Variants in MAF observed in about 807,000 individuals in gnomAD.
MAF encodes MAF bZIP transcription factor, also known as transcription factor Maf.
Under a neutral mutation model 22.0 loss-of-function variants are expected in MAF, and 10 were observed. That is an observed-to-expected ratio of 0.45 (90% CI 0.28 to 0.77). The LOEUF is 0.77. Ranked by LOEUF, MAF falls within the 30% of genes least tolerant of loss-of-function variation. The probability of loss-of-function intolerance (pLI) is 0.12; values close to 1 mark genes in which losing one functional copy is unlikely to be tolerated. For missense variants in MAF, 544 were observed against 548.4 expected (o/e 0.99, Z 0.08); for synonymous variants, 337 against 255.8 (o/e 1.32, Z -3.03).
At chr16:79,455,370 A>G in the MAF span, among the ~76,000 whole-genome samples, 4 of 152,202 alleles carry the variant, frequency 2.6e-5, no homozygotes, top group Admixed American at 2.6e-4. Context: ...GCCATGAATT[A>G]TTAGGTGCTC....
chr16:79,552,778 C>T, the MAF span, among the ~76,000 whole-genome samples: 1 of 152,140 alleles, frequency 6.6e-6, no homozygotes, highest in Non-Finnish European at 1.5e-5. Flanking sequence ...GCATTTTTTT[C>T]TCCTTGTGGT....
the MAF span, among the ~76,000 whole-genome samples, chr16:79,359,991 C>A: frequency 3.9e-5 from 6 of 152,100 alleles, no homozygotes; most frequent in Admixed American, 3.3e-4. Context: ...GAGTATTGTT[C>A]TGAGTAGGAC....
the MAF span, among the ~76,000 whole-genome samples, chr16:79,409,739 G>A: frequency 6.6e-6 from 1 of 152,190 alleles, no homozygotes. Flanking sequence ...AACAGAGACA[G>A]GAGAACAAAC....
the MAF span, among the ~76,000 whole-genome samples, chr16:79,350,019 G>T: frequency 6.6e-6 from 1 of 152,168 alleles, no homozygotes; most frequent in African/African-American, 2.4e-5. Flanking sequence ...ACCTCCTCCA[G>T]GAAGCTCCCC....
At chr16:79,488,877 T>C in the MAF span, among the ~76,000 whole-genome samples, 1 of 152,248 alleles carries the variant, frequency 6.6e-6, no homozygotes, top group Non-Finnish European at 1.5e-5. Flanking sequence ...CTGAAATGAC[T>C]GAAAGGAGGC....
chr16:79,488,961 C>G, the MAF span, among the ~76,000 whole-genome samples: 1 of 152,310 alleles, frequency 6.6e-6, no homozygotes, highest in African/African-American at 2.4e-5. Flanking sequence ...CCCTGTTGGC[C>G]TTTCAGGGCA....
chr16:79,239,522 A>G, the MAF span, among the ~76,000 whole-genome samples: 1 of 152,092 alleles, frequency 6.6e-6, no homozygotes, highest in Non-Finnish European at 1.5e-5. Flanking sequence ...TGGATGGATA[A>G]AAGTGAATTC....
the MAF span, among the ~76,000 whole-genome samples, chr16:79,503,404 T>C: frequency 4.7e-4 from 71 of 152,324 alleles, no homozygotes; most frequent in African/African-American, 1.6e-3. Flanking sequence ...ATAAAAAATT[T>C]TGATAATTAA....
chr16:79,335,129 A>G, the MAF span, among the ~76,000 whole-genome samples: 9 of 151,438 alleles, frequency 5.9e-5, no homozygotes, highest in East Asian at 5.8e-4. Flanking sequence ...ATGTTGCAGT[A>G]ATCCAAGATC....
At chr16:79,547,922 G>GAT in the MAF span, among the ~76,000 whole-genome samples, 6 of 110,218 alleles carry the variant, frequency 5.4e-5, no homozygotes, top group Admixed American at 1.7e-4. Flanking sequence ...GAGAGAGATA[G>GAT]AGAGAGAGAG....
the MAF span, among the ~76,000 whole-genome samples, chr16:79,556,851 A>G: frequency 2.0e-5 from 3 of 152,222 alleles, no homozygotes; most frequent in Non-Finnish European, 4.4e-5. Context: ...AGTCATTGTA[A>G]GGACACAACA....
the MAF span, among the ~76,000 whole-genome samples, chr16:79,338,723 C>T: frequency 3.3e-5 from 5 of 152,292 alleles, no homozygotes; most frequent in South Asian, 2.1e-4. Flanking sequence ...ATAATCTATA[C>T]ACTCGCGACA....
At chr16:79,580,009 C>G in the MAF span, among the ~76,000 whole-genome samples, 1 of 152,108 alleles carries the variant, frequency 6.6e-6, no homozygotes, top group Non-Finnish European at 1.5e-5. Flanking sequence ...TTACCCCTCT[C>G]AAACAAAATA....
the MAF span, among the ~76,000 whole-genome samples, chr16:79,517,635 C>T: frequency 6.9e-6 from 1 of 144,198 alleles, no homozygotes; most frequent in East Asian, 2.0e-4. Flanking sequence ...AGTGCGATGG[C>T]AGGATCTTGG....
the MAF span, among the ~76,000 whole-genome samples, chr16:79,563,284 C>T: frequency 6.6e-6 from 1 of 152,184 alleles, no homozygotes; most frequent in East Asian, 1.9e-4. Flanking sequence ...TGTGTGGTTA[C>T]AGAACACTGG....
chr16:79,355,103 C>T, the MAF span, among the ~76,000 whole-genome samples: 4 of 152,138 alleles, frequency 2.6e-5, no homozygotes, highest in Admixed American at 6.5e-5. Context: ...TCAACAGCAC[C>T]GAAATAATCT....
the MAF span, among the ~76,000 whole-genome samples, chr16:79,485,020 A>T: frequency 6.6e-6 from 1 of 152,224 alleles, no homozygotes; most frequent in African/African-American, 2.4e-5. Flanking sequence ...ATCTATAAAA[A>T]TGGACATCAT....
chr16:79,361,404 A>G, the MAF span, among the ~76,000 whole-genome samples: 3 of 152,226 alleles, frequency 2.0e-5, no homozygotes, highest in Non-Finnish European at 4.4e-5. Context: ...TCAATAATGT[A>G]TCATTTCCTT....
At chr16:79,256,224 G>A in the MAF span, among the ~76,000 whole-genome samples, 2 of 151,456 alleles carry the variant, frequency 1.3e-5, no homozygotes, top group Admixed American at 6.6e-5. Flanking sequence ...TCCTGACCTC[G>A]TGATCCGCCT....
Sources: allele counts gnomAD v4.1 joint callset (sites outside exome capture counted in the v4.1 genomes callset), GRCh38; gene constraint gnomAD v4.1.1; transcripts MANE v1.5; gene names NCBI Gene and HGNC (gene_info 2026-07-23, HGNC 2026-07-21).